Variants in ANKRD52 observed in about 807,000 individuals in gnomAD.
ANKRD52 encodes the protein serine/threonine-protein phosphatase 6 regulatory ankyrin repeat subunit C.
A neutral mutation model predicts 116.0 loss-of-function variants in ANKRD52; 7 were observed. That is an observed-to-expected ratio of 0.06 (90% CI 0.03 to 0.11). ANKRD52 has a LOEUF of 0.11. Among genes scored for constraint, ANKRD52 ranks in the 10% least tolerant of loss-of-function variants. The pLI is 1.00. For synonymous variants in ANKRD52, 528 were observed against 578.1 expected (o/e 0.91, Z 1.24); for missense variants, 839 against 1,408.6 (o/e 0.60, Z 6.47).
chr12:56,255,954 C>A lies in ANKRD52; in HGVS notation c.292G>T (p.Ala98Ser). Residue 98 changes from alanine to serine, a missense_variant, in exon 5 of 28, where the codon GCA becomes TCA. This residue lies in a region of ANKRD52 where 287 missense variants were observed against 598.1 expected (regional missense o/e 0.48). Coordinates refer to ENST00000267116, the MANE Select transcript of ANKRD52 (RefSeq NM_173595.4). The surrounding 1 kb of genome is among the most constrained non-coding windows in gnomAD (Gnocchi z 4.3). ...AGCTTGTCCCGGGCATTCACATCTG[C>A]TGAATGTGCCAGCAGCAGCCCCAGC... Reference protein sequence around the residue: ...KVLGLLLAHSADVNARDKLWQ... With the variant: ...KVLGLLLAHSSDVNARDKLWQ... 1 of 1,575,178 alleles carries A rather than the reference C, an allele frequency of 6.3e-7. No individual in the cohort carries two copies. The highest frequency in any genetic ancestry group is 1.3e-5 in the African/African-American group (1 of 74,190).
At chr12:56,257,426 C>T (rs1565613508) in intron 2 of ANKRD52, 65 bp from the exon 3 acceptor site, 6 of 1,396,702 alleles carry the variant, frequency 4.3e-6, no homozygotes, top group Non-Finnish European at 6.0e-6. Flanking sequence ...GGACCCCAGC[C>T]CAAGTCTCAG....
In ANKRD52 at chr12:56,257,170, G is replaced by A. The variant is rs969070887; in HGVS notation, c.191-85C>T. The A allele has an allele frequency of 1.9e-6, 3 of 1,559,860 alleles. No individual in the cohort carries two copies. The African/African-American group carries it at 4.1e-5, about 21-fold the overall frequency. On this transcript the variant is annotated intron_variant, in intron 3 of 27. Transcript: ENST00000267116. ...GTAATCAGGCCAGGAAATCTGAATG[G>A]AGCTGGAGCCTCGCCTGGACCAAGC...
chr12:56,256,976 A>G (rs1221553907), intron 4 of ANKRD52, 39 bp downstream of exon 4: 3 of 1,592,406 alleles, frequency 1.9e-6, no homozygotes, highest in Non-Finnish European at 2.6e-6. Context: ...TAAGCAACTT[A>G]TCCTTTTTGA....
intron 20 of ANKRD52, among the ~76,000 whole-genome samples, chr12:56,246,780 C>T (rs958631247): frequency 4.6e-5 from 7 of 151,570 alleles, no homozygotes; most frequent in Admixed American, 6.6e-5. Context: ...ATTAGCCAGG[C>T]GTGGTGGCAG....
chr12:56,255,194 T>A lies in ANKRD52; in HGVS notation c.463-242A>T. 4.3e-5 allele frequency: 4 copies of A among 93,434 alleles called. No homozygotes were observed. The highest frequency in any genetic ancestry group is 7.6e-5 in the Non-Finnish European group (3 of 39,554). The allele number at this position is 93,434 out of a possible 1,614,324, so 5.8% of individuals were successfully genotyped here. On this transcript the variant is annotated intron_variant, in intron 5 of 27. Coordinates refer to ENST00000267116, the MANE Select transcript of ANKRD52 (RefSeq NM_173595.4). This position sits in a 1 kb window ranked among gnomAD's most constrained non-coding sequence, Gnocchi z 4.3. ...AGGTGATCTGGTGGTTCTTAAACTC[T>A]TTTTTTTTTTTTTTTTGAGACAGTC...
At chr12:56,257,736 G>A in intron 2 of ANKRD52, 92 bp downstream of exon 2, 1 of 1,253,828 alleles carries the variant, frequency 8.0e-7, no homozygotes, top group East Asian at 2.5e-5. Flanking sequence ...CATCTGAGCA[G>A]AGGAGACACG....
intron 15 of ANKRD52, among the ~76,000 whole-genome samples, chr12:56,249,844 A>G (rs897895536): frequency 2.6e-5 from 4 of 152,222 alleles, no homozygotes; most frequent in South Asian, 2.1e-4. Context: ...GTTCAAGACC[A>G]GCCTGGGCAA....
At chr12:56,247,911 C>G in intron 18 of ANKRD52, 112 bp downstream of exon 18, 1 of 1,364,144 alleles carries the variant, frequency 7.3e-7, no homozygotes, top group South Asian at 1.3e-5. Context: ...AGCTATGAAT[C>G]AGGGCTTGAA....
At chr12:56,257,965 G>T in intron 1 of ANKRD52, 54 bp from the exon 2 acceptor site, 1 of 1,466,818 alleles carries the variant, frequency 6.8e-7, no homozygotes, top group Non-Finnish European at 9.5e-7. Context: ...CGGAACCGGT[G>T]TGGGGGTGGG....
At chr12:56,245,060 A>T (rs760662525) in intron 22 of ANKRD52, 43 bp downstream of exon 22, 8 of 1,612,988 alleles carry the variant, frequency 5.0e-6, no homozygotes, top group Non-Finnish European at 6.8e-6. Context: ...AGCTCAAGTC[A>T]TGGGCCCTCG....
intron 3 of ANKRD52, 38 bp downstream of exon 3, chr12:56,257,245 C>A (rs757488980): frequency 1.3e-6 from 2 of 1,565,948 alleles, no homozygotes; most frequent in African/African-American, 2.7e-5. Context: ...CCTCCCTTCG[C>A]TCCCTATGTG....
rs1290626411 is a variant in ANKRD52 at position 56,241,610 on chromosome 12, G to A, written c.*1532C>T. On this transcript the variant is annotated 3_prime_UTR_variant, in exon 28 of 28. Coordinates refer to ENST00000267116, the MANE Select transcript of ANKRD52 (RefSeq NM_173595.4). Reference sequence around the variant, plus strand: ...ACAATACTGATGGCAGCCAAACTGGGCAAGGATGCAGTGTGGGGGCGGAGG... The same window carrying A: ...ACAATACTGATGGCAGCCAAACTGGACAAGGATGCAGTGTGGGGGCGGAGG... The A allele has an allele frequency of 3.2e-5, 6 of 188,240 alleles. No homozygotes were observed. The highest frequency in any genetic ancestry group is 6.5e-5 in the Non-Finnish European group (6 of 92,364). 11.7% of individuals were successfully genotyped at this position (188,240 alleles called of 1,614,324 possible).
chr12:56,257,972 TG>T, intron 1 of ANKRD52, 61 bp from the exon 2 acceptor site: 2 of 261,960 alleles, frequency 7.6e-6, no homozygotes, highest in Non-Finnish European at 6.5e-6. Flanking sequence ...GGTGTGGGGG[TG>T]GGGGTGGGGG....
In ANKRD52 at chr12:56,242,210, C is replaced by T. The variant is rs774043511; in HGVS notation, c.*932G>A. On this transcript the variant is annotated 3_prime_UTR_variant, in exon 28 of 28. Transcript: ENST00000267116. The surrounding 1 kb of genome is among the most constrained non-coding windows in gnomAD (Gnocchi z 4.3). ...ACATGCCTGAAACACAGTGGACATA[C>T]TAGGGCTGTGGTTTTGAAATGGGCA... 1 of 398,576 alleles carries T rather than the reference C, an allele frequency of 2.5e-6. No individual in the cohort carries two copies. Among genetic ancestry groups the T allele is most frequent in the Non-Finnish European group, 4.4e-6 (1 of 226,062 alleles). The allele number at this position is 398,576 out of a possible 1,614,324, so 24.7% of individuals were successfully genotyped here.
At chr12:56,250,819 T>G (rs569490372) in intron 15 of ANKRD52, among the ~76,000 whole-genome samples, 1 of 152,146 alleles carries the variant, frequency 6.6e-6, no homozygotes, top group Admixed American at 6.5e-5. Context: ...TTTCCCGTCA[T>G]TAACATCTTA....
intron 15 of ANKRD52, among the ~76,000 whole-genome samples, chr12:56,250,979 C>T (rs1050203805): frequency 4.6e-5 from 7 of 151,950 alleles, no homozygotes; most frequent in Admixed American, 6.6e-5. Context: ...CTCACTCTGT[C>T]GCCCAGGTTG....
chr12:56,253,991 A>G lies in ANKRD52; in HGVS notation c.906+76T>C, dbSNP rs1592394571. On this transcript the variant is annotated intron_variant, in intron 8 of 27. Coordinates refer to ENST00000267116, the MANE Select transcript of ANKRD52 (RefSeq NM_173595.4). The surrounding 1 kb of genome is among the most constrained non-coding windows in gnomAD (Gnocchi z 5.5). The stretch of plus-strand genomic sequence containing the variant: ...AAGCAAGTGGATAATTCCCCAAGAG[A>G]GCTATCCAGATACAGTCAGGACCCC... The G allele has an allele frequency of 6.8e-7, 1 of 1,467,472 alleles. No homozygotes were observed. Among genetic ancestry groups the G allele is most frequent in the Admixed American group, 1.9e-5 (1 of 53,754 alleles). 90.9% of individuals were successfully genotyped at this position (1,467,472 alleles called of 1,614,324 possible). A position where few individuals can be genotyped will look rare whatever the true frequency, so the allele number is the denominator to read the frequency against.
At chr12:56,247,346 CAA>C (rs1007977970) in intron 20 of ANKRD52, 145 bp downstream of exon 20, 32,544 of 451,324 alleles carry the variant, frequency 0.072, no homozygotes, top group South Asian at 0.09. Context: ...GACCCTGTCT[CAA>C]AAAAAAAAAA....
At position 56,239,025 on chromosome 12, in the gene ANKRD52, A is replaced by C. The variant is rs1335057392; in HGVS notation, c.*4117T>G. Reference sequence around the variant, plus strand: ...GGCCTAGCAGGAGTGGGTGAGGGCCAAGGTGGATCCTCTGGTTACCCGCCA... The same window carrying C: ...GGCCTAGCAGGAGTGGGTGAGGGCCCAGGTGGATCCTCTGGTTACCCGCCA... On this transcript the variant is annotated 3_prime_UTR_variant, in exon 28 of 28. Transcript: ENST00000267116. The C allele has an allele frequency of 6.6e-6, 1 of 152,320 alleles. No homozygotes were observed. The highest frequency in any genetic ancestry group is 2.4e-5 in the African/African-American group (1 of 41,446). 9.4% of individuals were successfully genotyped at this position (152,320 alleles called of 1,614,324 possible).
Sources: allele counts gnomAD v4.1 joint callset (sites outside exome capture counted in the v4.1 genomes callset), GRCh38; gene constraint gnomAD v4.1.1; regional missense constraint gnomAD v4.1.1; non-coding constraint Gnocchi (gnomAD v3.1); transcripts MANE v1.5; gene names NCBI Gene and HGNC (gene_info 2026-07-23, HGNC 2026-07-21).